Variants in CNOT6 observed in about 807,000 individuals in gnomAD.
CNOT6 encodes the protein carbon catabolite repression 4 protein.
In CNOT6, 12 loss-of-function variants were observed where a neutral mutation model predicts 61.2. The observed-to-expected ratio is 0.20, with a 90% CI of 0.13 to 0.32. The LOEUF (loss-of-function observed/expected upper bound fraction) is 0.32, where lower values mean the gene tolerates loss of function less well. Among genes scored for constraint, CNOT6 ranks in the 10% least tolerant of loss-of-function variants. The probability of loss-of-function intolerance (pLI) is 1.00; values close to 1 mark genes in which losing one functional copy is unlikely to be tolerated. For synonymous variants in CNOT6, 225 were observed against 240.6 expected (o/e 0.94, Z 0.60); for missense variants, 405 against 663.9 (o/e 0.61, Z 4.28).
intron 1 of CNOT6, among the ~76,000 whole-genome samples, chr5:180,517,515 A>T (rs905518462): frequency 1.3e-5 from 2 of 151,888 alleles, no homozygotes; most frequent in Admixed American, 1.3e-4. Context: ...TTTATTAGCT[A>T]TCATTGTTTT....
intron 1 of CNOT6, among the ~76,000 whole-genome samples, chr5:180,513,820 A>G (rs1317049684): frequency 6.6e-6 from 1 of 151,794 alleles, no homozygotes; most frequent in Non-Finnish European, 1.5e-5. Context: ...CTCCTGCCTC[A>G]GCCTCTCCGA....
At position 180,496,174 on chromosome 5, in the gene CNOT6, A is replaced by C. The variant is rs147090670; in HGVS notation, c.-3+1411A>C. ...TTCCTTGGCCTCCCAAAGTGCTGCA[A>C]TTACAGGCATGAGCCAACATGCCTG... On this transcript the variant is annotated intron_variant, in intron 1 of 11. Coordinates refer to ENST00000261951, the MANE Select transcript of CNOT6 (RefSeq NM_001370472.1). 7.9e-3 allele frequency among the ~76,000 whole-genome samples: 1,202 copies of C among 152,330 alleles called. 11 individuals carry two copies. The highest frequency in any genetic ancestry group is 0.064 in the South Asian group (308 of 4,822).
Position 180,527,995 on chromosome 5 carries a change from G to A in CNOT6, c.-2-1280G>A, listed in dbSNP as rs142208652. On this transcript the variant is annotated intron_variant, in intron 1 of 11. Coordinates refer to ENST00000261951, the MANE Select transcript of CNOT6 (RefSeq NM_001370472.1). ...ATCTGAGATGGTACGGTTTCATCCC[G>A]AAACCACCCCACCCTCCCCAAATCT... 6.6e-5 allele frequency among the ~76,000 whole-genome samples: 10 copies of A among 152,134 alleles called. No individual in the cohort carries two copies. In the East Asian group the frequency reaches 1.7e-3, roughly 26 times the overall value.
At chr5:180,534,550 A>G (rs960394566) in intron 2 of CNOT6, 19 of 155,740 alleles carry the variant, frequency 1.2e-4, no homozygotes, top group African/African-American at 4.3e-4. Context: ...ACCAGGCACA[A>G]TGTAATCTTA....
At chr5:180,541,491 G>T (rs1581527699) in intron 2 of CNOT6, among the ~76,000 whole-genome samples, 1 of 111,348 alleles carries the variant, frequency 9.0e-6, no homozygotes, top group Non-Finnish European at 1.7e-5. Context: ...TCGCTCTGTT[G>T]CCCAGGCTAG....
chr5:180,573,959 T>C (rs767687894), intron 11 of CNOT6, 29 bp from the exon 12 acceptor site: 6 of 1,459,184 alleles, frequency 4.1e-6, no homozygotes, highest in Non-Finnish European at 5.8e-6. Flanking sequence ...TCTTATACGG[T>C]GCTTATCTTT....
intron 2 of CNOT6, among the ~76,000 whole-genome samples, chr5:180,538,685 GGTATAT>G (rs1291285213): frequency 5.9e-5 from 5 of 84,246 alleles, no homozygotes; most frequent in Non-Finnish European, 1.1e-4. Context: ...CTGAGAAAAA[GGTATAT>G]ATATATATAT....
chr5:180,501,797 C>T (rs1581462319), intron 1 of CNOT6, among the ~76,000 whole-genome samples: 4 of 152,208 alleles, frequency 2.6e-5, no homozygotes, highest in East Asian at 3.9e-4. Flanking sequence ...GAGAGAGTAA[C>T]GCTACAGATG....
chr5:180,540,518 A>G lies in CNOT6; in HGVS notation c.113-9413A>G, dbSNP rs1253321110. ...GACCATTCTATTTTTCACTTTCACT[A>G]CAGTATTCAGTCATTACATGAGATA... On this transcript the variant is annotated intron_variant, in intron 2 of 11. Transcript: ENST00000261951. 2.0e-5 allele frequency among the ~76,000 whole-genome samples: 3 copies of G among 152,184 alleles called. No homozygotes were observed. In the East Asian group the frequency reaches 5.8e-4, roughly 29 times the overall value.
chr5:180,519,617 T>C (rs1034625886), intron 1 of CNOT6, among the ~76,000 whole-genome samples: 3 of 152,184 alleles, frequency 2.0e-5, no homozygotes, highest in Admixed American at 6.6e-5. Flanking sequence ...ATATAAACCA[T>C]ACACCAATTA....
chr5:180,572,014 C>T (rs1430578289), intron 11 of CNOT6, among the ~76,000 whole-genome samples: 1 of 152,118 alleles, frequency 6.6e-6, no homozygotes, highest in Non-Finnish European at 1.5e-5. Flanking sequence ...CTTTTGGGGA[C>T]AATTATGTTT....
chr5:180,555,676 A>T (rs1233198443), intron 4 of CNOT6, among the ~76,000 whole-genome samples: 1 of 152,180 alleles, frequency 6.6e-6, no homozygotes, highest in African/African-American at 2.4e-5. Context: ...CTGCTGCTTT[A>T]CTTCTTAAAG....
In CNOT6 at chr5:180,516,205, G is replaced by A. The variant is rs117185119; in HGVS notation, c.-2-13070G>A. On this transcript the variant is annotated intron_variant, in intron 1 of 11. Transcript: ENST00000261951. The stretch of plus-strand genomic sequence containing the variant: ...GGATTTTTTTTTTTTTTTTTGAGAC[G>A]GAGACTTGCTCAGTCACCAGGCTGG... 9.9e-4 allele frequency among the ~76,000 whole-genome samples: 144 copies of A among 145,864 alleles called. 2 individuals are homozygous for A. The East Asian group carries it at 0.019, about 19-fold the overall frequency.
intron 4 of CNOT6, among the ~76,000 whole-genome samples, chr5:180,554,512 G>T (rs1003106352): frequency 2.2e-4 from 26 of 118,480 alleles, no homozygotes; most frequent in African/African-American, 7.1e-4. Flanking sequence ...TATCATAAAA[G>T]AACAGTTTTT....
chr5:180,507,151 A>G (rs11956078), intron 1 of CNOT6, among the ~76,000 whole-genome samples: 40,897 of 152,064 alleles, frequency 0.27, 6,140 homozygotes, highest in Middle Eastern at 0.41. Context: ...AAGACATGGC[A>G]TTGCTAAGGC....
At chr5:180,515,143 T>G (rs1046526738) in intron 1 of CNOT6, among the ~76,000 whole-genome samples, 2 of 151,896 alleles carry the variant, frequency 1.3e-5, no homozygotes, top group African/African-American at 4.8e-5. Context: ...TTAGGCTGGA[T>G]GCAGTGGCTC....
intron 3 of CNOT6, among the ~76,000 whole-genome samples, chr5:180,550,852 AATT>A: frequency 6.6e-6 from 1 of 152,246 alleles, no homozygotes; most frequent in Non-Finnish European, 1.5e-5. Flanking sequence ...AAGGAGCTAT[AATT>A]ATTAAATTTG....
intron 1 of CNOT6, among the ~76,000 whole-genome samples, chr5:180,522,253 A>G (rs1757911543): frequency 6.6e-6 from 1 of 151,904 alleles, no homozygotes; most frequent in South Asian, 2.1e-4. Context: ...CTGGGACCAC[A>G]GGTACATGCC....
In CNOT6 at chr5:180,520,557, G is replaced by A. The variant is rs181326640; in HGVS notation, c.-2-8718G>A. Among the ~76,000 whole-genome samples, 845 of 152,044 alleles carry A rather than the reference G, an allele frequency of 5.6e-3. 4 individuals are homozygous for A. The highest frequency in any genetic ancestry group is 0.019 in the African/African-American group (796 of 41,524). On this transcript the variant is annotated intron_variant, in intron 1 of 11. Transcript: ENST00000261951. ...CTCGGGAGGCTGAGGCAGGAGAATC[G>A]CTTGAACCAGGGAGTCAGAGGTTGC... is the stretch of plus-strand genomic sequence containing the variant.
Sources: allele counts gnomAD v4.1 joint callset (sites outside exome capture counted in the v4.1 genomes callset), GRCh38; gene constraint gnomAD v4.1.1; transcripts MANE v1.5; gene names NCBI Gene and HGNC (gene_info 2026-07-23, HGNC 2026-07-21).